The following PDZD8 variants were observed in gnomAD, a reference collection of about 807,000 sequenced individuals.
PDZD8 encodes PDZ domain containing 8, also known as PDZ domain-containing protein 8.
In PDZD8, 14 loss-of-function variants were observed where a neutral mutation model predicts 85.8. That is an observed-to-expected ratio of 0.16 (90% CI 0.11 to 0.26). The LOEUF (loss-of-function observed/expected upper bound fraction) is 0.26, where lower values mean the gene tolerates loss of function less well. Among genes scored for constraint, PDZD8 ranks in the 10% least tolerant of loss-of-function variants. The probability of loss-of-function intolerance (pLI) is 1.00; values close to 1 mark genes in which losing one functional copy is unlikely to be tolerated. For missense variants in PDZD8, 1,197 were observed against 1,424.3 expected, an observed-to-expected ratio of 0.84 and a Z score of 2.57; for synonymous variants, 592 against 568.6, an observed-to-expected ratio of 1.04 and a Z score of -0.59.
chr10:117,366,668 T>C lies in PDZD8; in HGVS notation c.872+7688A>G, dbSNP rs199970900. Reference sequence around the variant, plus strand: ...AGTTTAAGAATGTAAAAACCATTCTTAATGCAGGGGCCTAACAGCAGCTAG... The same window carrying C: ...AGTTTAAGAATGTAAAAACCATTCTCAATGCAGGGGCCTAACAGCAGCTAG... On this transcript the variant is annotated intron_variant, in intron 1 of 4. Coordinates refer to ENST00000334464, the MANE Select transcript of PDZD8 (RefSeq NM_173791.5). 2.0e-5 allele frequency among the ~76,000 whole-genome samples: 3 copies of C among 151,922 alleles called. No homozygotes were observed. The East Asian group carries it at 5.8e-4, about 29-fold the overall frequency.
At chr10:117,303,008 G>A (rs1843873231) in intron 3 of PDZD8, among the ~76,000 whole-genome samples, 1 of 152,150 alleles carries the variant, frequency 6.6e-6, no homozygotes, top group African/African-American at 2.4e-5. Context: ...ACAGTAAATT[G>A]GTACCATTAG....
chr10:117,290,864 C>CTTTTTTTTTT (rs145614241), intron 3 of PDZD8, among the ~76,000 whole-genome samples: 2 of 123,564 alleles, frequency 1.6e-5, no homozygotes, highest in Non-Finnish European at 3.3e-5. Context: ...ATGGTGTATC[C>CTTTTTTTTTT]TTTTTTTTTT....
intron 2 of PDZD8, among the ~76,000 whole-genome samples, chr10:117,334,310 T>G (rs1374152058): frequency 6.6e-6 from 1 of 152,144 alleles, no homozygotes; most frequent in Non-Finnish European, 1.5e-5. Context: ...AGTTTATGAC[T>G]AGCCTAAGCA....
At chr10:117,316,412 C>A (rs941688771) in intron 3 of PDZD8, among the ~76,000 whole-genome samples, 2 of 152,120 alleles carry the variant, frequency 1.3e-5, no homozygotes, top group Non-Finnish European at 2.9e-5. Flanking sequence ...ACAGCTAGTC[C>A]CTTTAATCCC....
chr10:117,374,238 AAGGCCCCAGAAGC>A lies in PDZD8; in HGVS notation c.872+105_872+117del. ...GATCTGGGGCCCTGTCCAGGGTGGG[AAGGCCCCAGAAGC>A]AGGCGCCAGGACAGAAATGAGCCTT... On this transcript the variant is annotated intron_variant, in intron 1 of 4. Coordinates refer to ENST00000334464, the MANE Select transcript of PDZD8 (RefSeq NM_173791.5). The surrounding 1 kb of genome is among the most constrained non-coding windows in gnomAD (Gnocchi z 7.8). 1 of 1,444,028 alleles carries A rather than the reference AAGGCCCCAGAAGC, an allele frequency of 6.9e-7. No homozygotes were observed. Among genetic ancestry groups the A allele is most frequent in the Non-Finnish European group, 9.3e-7 (1 of 1,075,970 alleles). 89.5% of individuals were successfully genotyped at this position (1,444,028 alleles called of 1,614,324 possible).
rs143574411 is a variant in PDZD8, at chr10:117,320,370, G to A, written c.996-1396C>T. On this transcript the variant is annotated intron_variant, in intron 2 of 4. Transcript: ENST00000334464. The stretch of plus-strand genomic sequence containing the variant: ...ACAGGTATAAATCTTCAGAATTCAG[G>A]AATGAAAAAGCAAAATTGTCAGAAA... 1.2e-3 allele frequency among the ~76,000 whole-genome samples: 185 copies of A among 152,130 alleles called. 1 individual carries two copies. The highest frequency in any genetic ancestry group is 4.0e-3 in the African/African-American group (168 of 41,524).
chr10:117,316,006 A>C (rs1287470070), intron 3 of PDZD8, among the ~76,000 whole-genome samples: 2 of 152,190 alleles, frequency 1.3e-5, no homozygotes. Flanking sequence ...CACAAATTGC[A>C]CTGTCTCTTT....
rs1255438419 is a variant in PDZD8 at position 117,282,275 on chromosome 10, C to G, written c.*993G>C. ...AGCCCAAACTAGTTATCAACACAGT[C>G]ATTTTAAAAAGAGTCCTCCAAAACT... On this transcript the variant is annotated 3_prime_UTR_variant, in exon 5 of 5. Coordinates refer to ENST00000334464, the MANE Select transcript of PDZD8 (RefSeq NM_173791.5). The G allele has an allele frequency of 1.3e-5, 2 of 152,164 alleles. No individual in the cohort carries two copies. Among genetic ancestry groups the G allele is most frequent in the Non-Finnish European group, 2.9e-5 (2 of 68,022 alleles). 9.4% of individuals were successfully genotyped at this position (152,164 alleles called of 1,614,324 possible). A position where few individuals can be genotyped will look rare whatever the true frequency, so the allele number is the denominator to read the frequency against.
chr10:117,365,838 G>T (rs1845079328), intron 1 of PDZD8, among the ~76,000 whole-genome samples: 1 of 152,126 alleles, frequency 6.6e-6, no homozygotes, highest in African/African-American at 2.4e-5. Flanking sequence ...TGACTCTGAG[G>T]TAAGAACAAA....
intron 3 of PDZD8, among the ~76,000 whole-genome samples, chr10:117,291,573 G>A (rs77338960): frequency 0.013 from 2,011 of 151,710 alleles, 45 homozygotes; most frequent in African/African-American, 0.045. Flanking sequence ...GATGGGGATG[G>A]TGGTGCACAC....
intron 4 of PDZD8, 86 bp from the exon 5 acceptor site, chr10:117,285,557 A>G (rs2133759287): frequency 1.7e-6 from 2 of 1,205,146 alleles, no homozygotes; most frequent in East Asian, 2.7e-5. Flanking sequence ...TTAAATATAT[A>G]TAATTGCCAT....
intron 1 of PDZD8, among the ~76,000 whole-genome samples, chr10:117,348,972 A>G (rs1844754100): frequency 6.6e-6 from 1 of 152,240 alleles, no homozygotes. Context: ...CCTCACAATA[A>G]CATGGTATGG....
intron 3 of PDZD8, among the ~76,000 whole-genome samples, chr10:117,305,707 G>A (rs1179849540): frequency 6.6e-6 from 1 of 152,040 alleles, no homozygotes; most frequent in Non-Finnish European, 1.5e-5. Flanking sequence ...TCAGATTTTT[G>A]GATTTGGAAT....
chr10:117,334,856 A>G (rs1844490338), intron 2 of PDZD8, among the ~76,000 whole-genome samples: 1 of 150,938 alleles, frequency 6.6e-6, no homozygotes, highest in Non-Finnish European at 1.5e-5. Context: ...ATTTAAAGAA[A>G]CAAACAAATA....
At chr10:117,362,097 A>G (rs1468817897) in intron 1 of PDZD8, among the ~76,000 whole-genome samples, 2 of 152,176 alleles carry the variant, frequency 1.3e-5, no homozygotes, top group African/African-American at 4.8e-5. Context: ...CTATCCAAAT[A>G]AAAGTAAAAC....
chr10:117,366,768 A>C (rs568217192), intron 1 of PDZD8, among the ~76,000 whole-genome samples: 11 of 152,358 alleles, frequency 7.2e-5, no homozygotes, highest in Non-Finnish European at 1.2e-4. Context: ...CTGGAAGTCC[A>C]GGACCTTTTA....
intron 3 of PDZD8, among the ~76,000 whole-genome samples, chr10:117,302,542 T>C (rs1411060357): frequency 1.3e-5 from 2 of 152,200 alleles, no homozygotes; most frequent in African/African-American, 2.4e-5. Flanking sequence ...CTTAAACTCA[T>C]AAGCCAGATA....
Position 117,284,056 on chromosome 10 carries a change from C to T in PDZD8, c.2677G>A (p.Ala893Thr). 6.2e-7 allele frequency: 1 copy of T among 1,614,170 alleles called. No individual in the cohort carries two copies. The highest frequency in any genetic ancestry group is 2.2e-5 in the East Asian group (1 of 44,882). ...KCLAETSVCG[A>T]TDRRIDRTLK... Reference sequence around the variant, plus strand: ...GTCCTGTCTATTCGCCTATCAGTTGCTCCACAAACAGAAGTCTCAGCTAGA... The same window carrying T: ...GTCCTGTCTATTCGCCTATCAGTTGTTCCACAAACAGAAGTCTCAGCTAGA... Residue 893 changes from alanine (A) to threonine (T), a missense_variant, in exon 5 of 5, where the codon GCA (alanine) becomes ACA (threonine). By Grantham distance (58) the Ala-to-Thr change is moderately conservative. Around this residue, in one of 4 missense-constraint regions of PDZD8, gnomAD observed 418 missense variants for 571.1 expected, o/e 0.73. Transcript: ENST00000334464.
Position 117,284,313 on chromosome 10 carries a change from G to C in PDZD8, c.2420C>G (p.Thr807Ser). 6.2e-7 allele frequency: 1 copy of C among 1,613,948 alleles called. No individual in the cohort carries two copies. Among genetic ancestry groups the C allele is most frequent in the Non-Finnish European group, 8.5e-7 (1 of 1,179,962 alleles). ...KEGESDHHVV[T>S]NVEKEKEPHL... is the part of the protein sequence containing the mutation. The stretch of plus-strand genomic sequence containing the variant: ...GGGTTCTTTTTCTTTTTCTACGTTA[G>C]TAACTACATGGTGGTCTGATTCTCC... The change falls in exon 5 of 5, where the codon ACT becomes AGT. Residue 807 changes from threonine (T) to serine (S), a missense_variant. Physicochemically the swap from Thr to Ser is moderately conservative, Grantham distance 58. Transcript: ENST00000334464.
Sources: gnomAD v4.1 joint callset for allele counts (sites outside exome capture counted in the v4.1 genomes callset) on GRCh38, gnomAD v4.1.1 for gene constraint, gnomAD v4.1.1 regional missense constraint, Gnocchi (gnomAD v3.1) non-coding constraint, MANE v1.5 for transcripts, NCBI Gene and HGNC (gene_info 2026-07-23, HGNC 2026-07-21) for gene names.